Variants in DDX46 observed in about 807,000 individuals in gnomAD.
DDX46 encodes DEAD-box helicase 46.
Under a neutral mutation model 134.9 loss-of-function variants are expected in DDX46, and 30 were observed. That is an observed-to-expected ratio of 0.22 (90% CI 0.17 to 0.30). The LOEUF (loss-of-function observed/expected upper bound fraction) is 0.30. Among genes scored for constraint, DDX46 ranks in the 10% least tolerant of loss-of-function variants. DDX46 has a pLI of 1.00. For synonymous variants in DDX46, 415 were observed against 404.1 expected, an observed-to-expected ratio of 1.03 and a Z score of -0.32; for missense variants, 622 against 1,248.7, an observed-to-expected ratio of 0.50 and a Z score of 7.56.
intron 3 of DDX46, among the ~76,000 whole-genome samples, chr5:134,770,329 GCCT>G (rs1753722563): frequency 6.6e-6 from 1 of 151,220 alleles, no homozygotes; most frequent in African/African-American, 2.4e-5. Context: ...TCTTGTTTCT[GCCT>G]CCTCAGTAGG....
At chr5:134,773,553 A>G (rs2150135247) in intron 4 of DDX46, 143 bp from the exon 5 acceptor site, 1 of 778,122 alleles carries the variant, frequency 1.3e-6, no homozygotes. Context: ...ATCTAAGTCT[A>G]CCCTGAGGGG....
chr5:134,767,007 C>T lies in DDX46; in HGVS notation c.297C>T (p.Gly99=), dbSNP rs1372419441. 1.1e-5 allele frequency: 18 copies of T among 1,613,994 alleles called. No homozygotes were observed. The highest frequency in any genetic ancestry group is 5.5e-5 in the South Asian group (5 of 91,068). ...DRRRSRSRSR[G]RRSRSSSPGN... is the part of the protein sequence containing the mutation. ...GACGCTCAAGGAGTAGAAGCCGGGG[C>T]CGGCGATCCCGATCCTCCAGTCCTG... Residue 99 remains glycine (G), a synonymous_variant, in exon 3 of 23, where the codon GGC becomes GGT. Transcript: ENST00000452510.
intron 20 of DDX46, among the ~76,000 whole-genome samples, chr5:134,818,185 C>G (rs1755335333): frequency 1.3e-5 from 2 of 151,756 alleles, no homozygotes; most frequent in African/African-American, 4.8e-5. Flanking sequence ...TCTCGAACTC[C>G]CGACCTCAGG....
intron 16 of DDX46, among the ~76,000 whole-genome samples, chr5:134,808,493 A>G (rs1755053468): frequency 6.6e-6 from 1 of 152,332 alleles, no homozygotes; most frequent in East Asian, 1.9e-4. Context: ...TACTGAATGC[A>G]TATCACTTTT....
intron 14 of DDX46, among the ~76,000 whole-genome samples, 187 bp downstream of exon 14, chr5:134,795,201 C>CTTATTTT (rs1301651132): frequency 2.2e-5 from 3 of 138,082 alleles, no homozygotes; most frequent in Admixed American, 7.0e-5. Flanking sequence ...ATTTAAAATG[C>CTTATTTT]TTGTTTTTTT....
At chr5:134,776,196 C>G (rs1753930412) in intron 5 of DDX46, among the ~76,000 whole-genome samples, 1 of 151,834 alleles carries the variant, frequency 6.6e-6, no homozygotes, top group Non-Finnish European at 1.5e-5. Flanking sequence ...TCAAGATCAT[C>G]CTGGCCAACA....
At chr5:134,797,877 A>G (rs1318733131) in intron 15 of DDX46, among the ~76,000 whole-genome samples, 1 of 151,860 alleles carries the variant, frequency 6.6e-6, no homozygotes, top group African/African-American at 2.4e-5. Context: ...CAATGGCGCA[A>G]TCCTGGCTCA....
At chr5:134,818,793 G>T (rs758004854) in intron 20 of DDX46, 67 bp from the exon 21 acceptor site, 10 of 1,459,326 alleles carry the variant, frequency 6.9e-6, no homozygotes, top group Non-Finnish European at 9.3e-6. Flanking sequence ...CCTAGTCTTT[G>T]TCAGCACTCC....
intron 1 of DDX46, 103 bp downstream of exon 1, chr5:134,759,058 A>C (rs1753294130): frequency 6.5e-7 from 1 of 1,532,476 alleles, no homozygotes; most frequent in Non-Finnish European, 8.8e-7. Context: ...GCGCGGCCCC[A>C]CGTGCGGTCA....
chr5:134,793,034 A>G (rs952632903), intron 13 of DDX46, among the ~76,000 whole-genome samples: 1 of 152,046 alleles, frequency 6.6e-6, no homozygotes, highest in South Asian at 2.1e-4. Flanking sequence ...GCATGCGCCT[A>G]TCGTCCCAGC....
rs1580779659 is a variant in DDX46 at position 134,773,938 on chromosome 5, T to C, written c.613+77T>C. The stretch of plus-strand genomic sequence containing the variant: ...TGAATAATATTTCATAAGGGGTTTT[T>C]AATCTTTTTTATTGTTGAAAACTAT... On this transcript the variant is annotated intron_variant, in intron 5 of 22. Coordinates refer to ENST00000452510, the MANE Select transcript of DDX46 (RefSeq NM_001300860.2). The C allele has an allele frequency of 2.2e-6, 3 of 1,356,144 alleles. No homozygotes were observed. In the East Asian group the frequency reaches 7.4e-5, roughly 33 times the overall value. 84.0% of individuals were successfully genotyped at this position (1,356,144 alleles called of 1,614,324 possible). A position where few individuals can be genotyped will look rare whatever the true frequency, so the allele number is the denominator to read the frequency against.
intron 18 of DDX46, among the ~76,000 whole-genome samples, chr5:134,812,160 G>T (rs975355758): frequency 6.6e-6 from 1 of 151,150 alleles, no homozygotes; most frequent in African/African-American, 2.4e-5. Flanking sequence ...CGCCTCCTGG[G>T]TTCAAGCAAT....
intron 1 of DDX46, among the ~76,000 whole-genome samples, chr5:134,763,505 A>G (rs1326688553): frequency 6.6e-6 from 1 of 152,134 alleles, no homozygotes; most frequent in Admixed American, 6.6e-5. Flanking sequence ...TGCGTGGAAA[A>G]TTCCCTGTAT....
chr5:134,814,698 C>T (rs1580815943), intron 18 of DDX46, among the ~76,000 whole-genome samples: 1 of 152,284 alleles, frequency 6.6e-6, no homozygotes, highest in East Asian at 1.9e-4. Flanking sequence ...CTCACTGTAG[C>T]CTCGACCTCC....
Position 134,809,307 on chromosome 5 carries a change from C to T in DDX46, c.2148+1366C>T, listed in dbSNP as rs1755073852. Reference sequence around the variant, plus strand: ...CCTATAAAAATGTAAATACTTGTAGCCCCGTAGGAGTACAAAAGCAGACCA... The same window carrying T: ...CCTATAAAAATGTAAATACTTGTAGTCCCGTAGGAGTACAAAAGCAGACCA... On this transcript the variant is annotated intron_variant, in intron 16 of 22. Coordinates refer to ENST00000452510, the MANE Select transcript of DDX46 (RefSeq NM_001300860.2). Among the ~76,000 whole-genome samples, 3 of 152,234 alleles carry T rather than the reference C, an allele frequency of 2.0e-5. No homozygotes were observed. In the South Asian group the frequency reaches 6.2e-4, roughly 32 times the overall value.
At chr5:134,793,491 G>A (rs374339072) in intron 13 of DDX46, among the ~76,000 whole-genome samples, 7 of 151,978 alleles carry the variant, frequency 4.6e-5, no homozygotes, top group Non-Finnish European at 7.4e-5. Context: ...TGCAACCTCC[G>A]CCTCCCAGGT....
intron 10 of DDX46, 172 bp downstream of exon 10, chr5:134,784,713 A>G (rs1754277668): frequency 3.5e-6 from 2 of 570,308 alleles, no homozygotes; most frequent in Non-Finnish European, 5.5e-6. Context: ...GTGGAGTGAG[A>G]ATCTTCAGAG....
chr5:134,772,291 A>G (rs1753797300), intron 4 of DDX46, among the ~76,000 whole-genome samples: 2 of 152,252 alleles, frequency 1.3e-5, no homozygotes, highest in African/African-American at 2.4e-5. Flanking sequence ...CGGGAGGCCA[A>G]GGTGGGTAGA....
chr5:134,794,369 G>A (rs930474830), intron 13 of DDX46, among the ~76,000 whole-genome samples: 3 of 152,184 alleles, frequency 2.0e-5, no homozygotes, highest in South Asian at 2.1e-4. Context: ...AGGCTCCAGA[G>A]TTCCAAAGTG....
Sources: allele counts gnomAD v4.1 joint callset (sites outside exome capture counted in the v4.1 genomes callset), GRCh38; gene constraint gnomAD v4.1.1; transcripts MANE v1.5; gene names NCBI Gene and HGNC (gene_info 2026-07-23, HGNC 2026-07-21).